Variants in CPS1 observed in about 807,000 individuals in gnomAD.
CPS1 encodes carbamoyl-phosphate synthase 1, also known as carbamoyl-phosphate synthase [ammonia], mitochondrial.
In CPS1, 109 loss-of-function variants were observed where a neutral mutation model predicts 174.6. The ratio of observed to expected loss-of-function variants is 0.62; its 90% CI spans 0.53 to 0.73. The LOEUF (loss-of-function observed/expected upper bound fraction) is 0.73. Ranked by LOEUF, CPS1 falls within the 30% of genes least tolerant of loss-of-function variation. The probability of loss-of-function intolerance (pLI) is 0.00; values close to 1 mark genes in which losing one functional copy is unlikely to be tolerated. For synonymous variants in CPS1, 637 were observed against 632.0 expected, an observed-to-expected ratio of 1.01 and a Z score of -0.12; for missense variants, 1,689 against 1,821.9, an observed-to-expected ratio of 0.93 and a Z score of 1.33.
intron 25 of CPS1, among the ~76,000 whole-genome samples, chr2:210,647,142 A>G (rs1700403551): frequency 6.6e-6 from 1 of 152,108 alleles, no homozygotes; most frequent in Non-Finnish European, 1.5e-5. Flanking sequence ...AAGGTCATCA[A>G]AGTGGAAGGA....
chr2:210,538,668 A>G lies in CPS1; in HGVS notation c.4-18051A>G, dbSNP rs1481336511. On this transcript the variant is annotated intron_variant, in intron 1 of 38. Coordinates refer to the CPS1 transcript ENST00000430249. ...CAGTGTACAACTTATTAACTTTCAA[A>G]TTATCCAAAACATTTGCTTGCATTT... Among the ~76,000 whole-genome samples, 3 of 152,104 alleles carry G rather than the reference A, an allele frequency of 2.0e-5. No individual in the cohort carries two copies. In the East Asian group the frequency reaches 5.8e-4, roughly 29 times the overall value.
intron 1 of CPS1, among the ~76,000 whole-genome samples, chr2:210,536,383 T>G (rs1281187653): frequency 6.7e-6 from 1 of 149,846 alleles, no homozygotes; most frequent in African/African-American, 2.5e-5. Flanking sequence ...TGCAGTGGCG[T>G]GATCTCGGCT....
chr2:210,634,105 A>G (rs927817124), intron 21 of CPS1, among the ~76,000 whole-genome samples: 7 of 152,182 alleles, frequency 4.6e-5, no homozygotes, highest in Non-Finnish European at 7.3e-5. Flanking sequence ...AAGTGGAAAC[A>G]TACCTTTCTA....
intron 1 of CPS1, among the ~76,000 whole-genome samples, chr2:210,489,115 T>C (rs1273054434): frequency 1.3e-5 from 2 of 152,186 alleles, no homozygotes; most frequent in African/African-American, 2.4e-5. Flanking sequence ...TGCAAACTTA[T>C]AGATGATGGG....
upstream of CPS1, chr2:210,556,558 C>T: frequency 6.7e-7 from 1 of 1,481,896 alleles, no homozygotes; most frequent in Non-Finnish European, 8.9e-7. Context: ...GAAGGAGGAG[C>T]TGTGGCTGAA....
chr2:210,488,049 G>A (rs1694774946), intron 1 of CPS1, among the ~76,000 whole-genome samples: 1 of 152,160 alleles, frequency 6.6e-6, no homozygotes, highest in Non-Finnish European at 1.5e-5. Context: ...GGGGACCTGT[G>A]AGAAACCTCT....
intron 29 of CPS1, 38 bp from the exon 30 acceptor site, chr2:210,656,487 A>C (rs748969867): frequency 6.0e-6 from 9 of 1,508,964 alleles, no homozygotes; most frequent in Non-Finnish European, 8.2e-6. Flanking sequence ...AGTACCTGAA[A>C]ACTTTTTCTA....
intron 1 of CPS1, among the ~76,000 whole-genome samples, chr2:210,478,935 T>G: frequency 6.8e-5 from 1 of 14,706 alleles, no homozygotes; most frequent in Admixed American, 1.5e-3. Context: ...CCTTCCCCCC[T>G]CCCTTCCCTC....
intron 1 of CPS1, among the ~76,000 whole-genome samples, chr2:210,544,574 A>G (rs1475750057): frequency 6.6e-6 from 1 of 152,030 alleles, no homozygotes; most frequent in Non-Finnish European, 1.5e-5. Flanking sequence ...TAACATTTAT[A>G]TATGTAAATA....
chr2:210,633,641 C>A (rs965128360), intron 21 of CPS1, among the ~76,000 whole-genome samples: 3 of 152,094 alleles, frequency 2.0e-5, no homozygotes, highest in African/African-American at 7.2e-5. Context: ...CTAATTTTTT[C>A]TTATTTAATA....
chr2:210,612,222 T>C lies in CPS1; in HGVS notation c.2497T>C (p.Trp833Arg), dbSNP rs778891824. ...FTPRLPMNKE[W>R]PSNLDLRKEL... Reference sequence around the variant, plus strand: ...TCCCCGTCTCCCAATGAACAAAGAATGGCCATCTAATTTAGATCTTAGAAA... The same window carrying C: ...TCCCCGTCTCCCAATGAACAAAGAACGGCCATCTAATTTAGATCTTAGAAA... The change falls in exon 20 of 38, where the codon TGG becomes CGG. Residue 833 changes from tryptophan to arginine, a missense_variant. Coordinates refer to ENST00000233072, the MANE Select transcript of CPS1 (RefSeq NM_001875.5). 5 of 1,612,260 alleles carry C rather than the reference T, an allele frequency of 3.1e-6. No homozygotes were observed. In the South Asian group the frequency reaches 4.4e-5, roughly 14 times the overall value.
At chr2:210,569,794 T>A (rs1374163099) in intron 1 of CPS1, among the ~76,000 whole-genome samples, 1 of 152,080 alleles carries the variant, frequency 6.6e-6, no homozygotes, top group African/African-American at 2.4e-5. Flanking sequence ...TGGTTACTTT[T>A]CCTGACATTC....
At chr2:210,523,632 A>G (rs1316924302) in intron 1 of CPS1, among the ~76,000 whole-genome samples, 3 of 151,970 alleles carry the variant, frequency 2.0e-5, no homozygotes, top group Non-Finnish European at 4.4e-5. Flanking sequence ...CACTTAAGAT[A>G]ATGGTCTTCA....
chr2:210,637,930 TA>T (rs1202701332), intron 22 of CPS1, 87 bp downstream of exon 22: 2 of 1,440,880 alleles, frequency 1.4e-6, no homozygotes, highest in African/African-American at 2.8e-5. Context: ...CCATTGTTAA[TA>T]AAAAGAGGAG....
At chr2:210,562,005 C>A (rs1052374801) in intron 1 of CPS1, among the ~76,000 whole-genome samples, 3 of 152,116 alleles carry the variant, frequency 2.0e-5, no homozygotes, top group Admixed American at 6.6e-5. Flanking sequence ...TAATTTATCA[C>A]CACCATACAG....
At chr2:210,611,971 C>CTTTT (rs3060429) in intron 19 of CPS1, 146 bp from the exon 20 acceptor site, 373 of 594,780 alleles carry the variant, frequency 6.3e-4, no homozygotes, top group Middle Eastern at 1.0e-3. Context: ...AAAGGAACAC[C>CTTTT]TTTTTTTTTT....
chr2:210,668,717 A>G (rs1343389004), intron 34 of CPS1, among the ~76,000 whole-genome samples: 4 of 152,064 alleles, frequency 2.6e-5, no homozygotes, highest in Non-Finnish European at 5.9e-5. Context: ...CAATTCATCC[A>G]TGTCTATAGT....
At chr2:210,494,253 G>A (rs1274115087) in intron 1 of CPS1, among the ~76,000 whole-genome samples, 1 of 152,124 alleles carries the variant, frequency 6.6e-6, no homozygotes, top group Non-Finnish European at 1.5e-5. Context: ...CTATAAAATG[G>A]TTTTGACATC....
At chr2:210,584,738 G>C (rs1418684335) in intron 6 of CPS1, among the ~76,000 whole-genome samples, 1 of 152,006 alleles carries the variant, frequency 6.6e-6, no homozygotes, top group Non-Finnish European at 1.5e-5. Context: ...AGTGACTCCA[G>C]AGTCTCTGTG....
Sources: gnomAD v4.1 joint callset for allele counts (sites outside exome capture counted in the v4.1 genomes callset) on GRCh38, gnomAD v4.1.1 for gene constraint, MANE v1.5 for transcripts, NCBI Gene and HGNC (gene_info 2026-07-23, HGNC 2026-07-21) for gene names.